LAMB4: variants seen among roughly 807,000 people sequenced by gnomAD.
LAMB4 encodes laminin subunit beta 4, also known as laminin subunit beta-4.
A neutral mutation model predicts 199.2 loss-of-function variants in LAMB4; 196 were observed. The observed-to-expected ratio is 0.98, with a 90% CI of 0.88 to 1.11. LAMB4 has a LOEUF of 1.11. Among genes scored for constraint, LAMB4 ranks in the 50% least tolerant of loss-of-function variants. The probability of loss-of-function intolerance (pLI) is 0.00; values close to 1 mark genes in which losing one functional copy is unlikely to be tolerated. For synonymous variants in LAMB4, 744 were observed against 770.6 expected, an observed-to-expected ratio of 0.97 and a Z score of 0.57; for missense variants, 2,080 against 2,171.2, an observed-to-expected ratio of 0.96 and a Z score of 0.83.
chr7:108,120,505 T>G (rs2038561059), intron 2 of LAMB4, among the ~76,000 whole-genome samples: 1 of 152,232 alleles, frequency 6.6e-6, no homozygotes, highest in Non-Finnish European at 1.5e-5. Context: ...GCACATTTCT[T>G]TCTCTTCTGA....
intron 31 of LAMB4, among the ~76,000 whole-genome samples, chr7:108,031,255 T>G (rs1334312792): frequency 2.0e-5 from 3 of 146,362 alleles, no homozygotes; most frequent in African/African-American, 7.7e-5. Flanking sequence ...CCCAGGAGGT[T>G]GAGGATGCAG....
At chr7:108,078,624 G>T (rs2036800693) in intron 15 of LAMB4, among the ~76,000 whole-genome samples, 1 of 152,100 alleles carries the variant, frequency 6.6e-6, no homozygotes, top group South Asian at 2.1e-4. Flanking sequence ...ATTCATCATG[G>T]CTCTGGATCA....
intron 14 of LAMB4, among the ~76,000 whole-genome samples, chr7:108,086,742 A>G (rs1488509821): frequency 6.6e-6 from 1 of 152,210 alleles, no homozygotes; most frequent in Non-Finnish European, 1.5e-5. Flanking sequence ...CATGTTGTGG[A>G]TGCTTAAAGC....
intron 6 of LAMB4, among the ~76,000 whole-genome samples, chr7:108,107,139 A>G (rs984151867): frequency 1.3e-5 from 2 of 152,110 alleles, no homozygotes; most frequent in Non-Finnish European, 1.5e-5. Flanking sequence ...TTGGTGGTGA[A>G]CTCTGGAGCT....
rs549372101 is a variant in LAMB4 at position 108,080,245 on chromosome 7, C to T, written c.1702-459G>A. Among the ~76,000 whole-genome samples, 44 of 152,276 alleles carry T rather than the reference C, an allele frequency of 2.9e-4. No individual in the cohort carries two copies. The South Asian group carries it at 6.2e-3, about 22-fold the overall frequency. On this transcript the variant is annotated intron_variant, in intron 14 of 33. Transcript: ENST00000388781. ...TACTTCTTCCATGCAAAATGAGAAA[C>T]GCTCTTCTTCTATCTGCTTGGGAGC...
chr7:108,088,977 T>A (rs1413710740), intron 14 of LAMB4, among the ~76,000 whole-genome samples: 1 of 152,232 alleles, frequency 6.6e-6, no homozygotes, highest in Non-Finnish European at 1.5e-5. Context: ...CATCTGAACC[T>A]CTGGCCTATC....
At chr7:108,099,462 A>T (rs1192833528) in intron 10 of LAMB4, among the ~76,000 whole-genome samples, 1 of 152,168 alleles carries the variant, frequency 6.6e-6, no homozygotes, top group African/African-American at 2.4e-5. Context: ...AGAACTCTCA[A>T]ATAGTTAGGG....
intron 6 of LAMB4, among the ~76,000 whole-genome samples, chr7:108,107,025 C>G (rs1008788788): frequency 3.3e-5 from 5 of 152,314 alleles, no homozygotes; most frequent in Admixed American, 1.3e-4. Context: ...ATTTCCGGCT[C>G]TTTATGTACA....
At chr7:108,103,998 T>G (rs556464213) in intron 9 of LAMB4, among the ~76,000 whole-genome samples, 1 of 152,324 alleles carries the variant, frequency 6.6e-6, no homozygotes, top group Admixed American at 6.5e-5. Context: ...GCAGCAAACA[T>G]GTTAGCCAAA....
chr7:108,020,058 T>C (rs1192860560), downstream of LAMB4, among the ~76,000 whole-genome samples: 1 of 152,136 alleles, frequency 6.6e-6, no homozygotes, highest in Admixed American at 6.6e-5. Flanking sequence ...AAACGTGGGC[T>C]CTCTGACTCC....
At chr7:108,017,925 G>A in the LAMB4 span, among the ~76,000 whole-genome samples, 1 of 152,244 alleles carries the variant, frequency 6.6e-6, no homozygotes, top group East Asian at 1.9e-4. Context: ...AAGGAAATGA[G>A]GACATGAAAT....
At chr7:108,110,707 G>A (rs2038192718) in intron 4 of LAMB4, among the ~76,000 whole-genome samples, 1 of 152,186 alleles carries the variant, frequency 6.6e-6, no homozygotes, top group South Asian at 2.1e-4. Flanking sequence ...ACAAATGTTA[G>A]ATGTGGGGGT....
rs1008393717 is a variant in LAMB4, at chr7:108,112,417, G to C, written c.193-471C>G. ...AGAGACTCTCATGCCTCAGTCTCCT[G>C]AGGAGCTGGGATTACAGGCATGCAC... On this transcript the variant is annotated intron_variant, in intron 3 of 33. Transcript: ENST00000388781. Among the ~76,000 whole-genome samples, 8 of 151,722 alleles carry C rather than the reference G, an allele frequency of 5.3e-5. No individual in the cohort carries two copies. In the East Asian group the frequency reaches 1.4e-3, roughly 26 times the overall value.
chr7:108,077,027 C>T lies in LAMB4; in HGVS notation c.2041G>A (p.Asp681Asn). ...LLPTPICLEP[D>N]VQYSIDVYFS... ...TAGACATCTATGGAATATTGTACAT[C>T]TGGTTCTAAACAGATGGGTGTGGGA... Residue 681 changes from aspartate to asparagine, a missense_variant, in exon 17 of 34, where the codon GAT becomes AAT. Physicochemically the swap from Asp to Asn is conservative, Grantham distance 23. Transcript: ENST00000388781. The T allele has an allele frequency of 6.2e-7, 1 of 1,613,972 alleles. No homozygotes were observed. Among genetic ancestry groups the T allele is most frequent in the Non-Finnish European group, 8.5e-7 (1 of 1,179,890 alleles).
At position 108,106,537 on chromosome 7, in the gene LAMB4, A is replaced by C; in HGVS notation, c.627T>G (p.Ile209Met). ...VLKVLDPSFEIENPYSPYIQD... is the reference protein window; with the variant it reads ...VLKVLDPSFEMENPYSPYIQD... The stretch of plus-strand genomic sequence containing the variant: ...GGATGTAGGGGCTATAAGGGTTTTC[A>C]ATTTCAAAACTGGGATCCAAAACTT... Residue 209 changes from isoleucine (I) to methionine (M), a missense_variant, in exon 7 of 34, where the codon ATT becomes ATG. Physicochemically the swap from Ile to Met is conservative, Grantham distance 10. Coordinates refer to ENST00000388781, the MANE Select transcript of LAMB4 (RefSeq NM_007356.3). 2 of 1,584,128 alleles carry C rather than the reference A, an allele frequency of 1.3e-6. No homozygotes were observed. The highest frequency in any genetic ancestry group is 1.7e-6 in the Non-Finnish European group (2 of 1,154,166).
intron 23 of LAMB4, among the ~76,000 whole-genome samples, chr7:108,060,210 T>C (rs1337711087): frequency 2.0e-5 from 3 of 152,262 alleles, no homozygotes; most frequent in Admixed American, 6.5e-5. Context: ...AGGGGCTTCC[T>C]GGTTAAACCA....
chr7:108,024,508 T>C (rs2034766015), intron 33 of LAMB4, among the ~76,000 whole-genome samples: 1 of 152,244 alleles, frequency 6.6e-6, no homozygotes, highest in South Asian at 2.1e-4. Context: ...AGGTTTGTTC[T>C]TATTATTTTA....
chr7:108,048,158 CTT>C (rs747991620), intron 27 of LAMB4, 47 bp from the exon 28 acceptor site: 35,509 of 443,080 alleles, frequency 0.08, no homozygotes, highest in East Asian at 0.1. Context: ...GTTGTCAGAG[CTT>C]TTTTTTTTTT....
intron 30 of LAMB4, among the ~76,000 whole-genome samples, chr7:108,035,206 A>G (rs967068409): frequency 9.2e-5 from 14 of 151,842 alleles, no homozygotes; most frequent in African/African-American, 2.9e-4. Flanking sequence ...CCCTGCCACC[A>G]TTATCTTTTT....
Sources: gnomAD v4.1 joint callset for allele counts (sites outside exome capture counted in the v4.1 genomes callset) on GRCh38, gnomAD v4.1.1 for gene constraint, MANE v1.5 for transcripts, NCBI Gene and HGNC (gene_info 2026-07-23, HGNC 2026-07-21) for gene names.